The following SESN1 variants were observed in gnomAD, a reference collection of about 807,000 sequenced individuals.
SESN1 encodes sestrin 1, also known as sestrin-1.
A neutral mutation model predicts 59.3 loss-of-function variants in SESN1; 30 were observed. The ratio of observed to expected loss-of-function variants is 0.51; its 90% CI spans 0.38 to 0.69. The LOEUF is 0.69. SESN1 is among the 30% of genes least tolerant of loss of function. SESN1 has a pLI of 0.00. For synonymous variants in SESN1, 197 were observed against 219.9 expected (o/e 0.90, Z 0.92); for missense variants, 566 against 673.0 (o/e 0.84, Z 1.76).
chr6:109,016,151 C>T (rs2114359561), intron 1 of SESN1, among the ~76,000 whole-genome samples: 1 of 152,292 alleles, frequency 6.6e-6, no homozygotes, highest in Admixed American at 6.5e-5. Context: ...ATTAATGAGT[C>T]ATTAGCTTAA....
At chr6:109,061,583 T>C (rs1231595098) in intron 1 of SESN1, among the ~76,000 whole-genome samples, 3 of 152,162 alleles carry the variant, frequency 2.0e-5, no homozygotes. Flanking sequence ...GTGGGTGGAC[T>C]GCTTGAGGTC....
chr6:109,078,842 A>G (rs1475625254), intron 1 of SESN1, among the ~76,000 whole-genome samples: 2 of 152,198 alleles, frequency 1.3e-5, no homozygotes, highest in African/African-American at 4.8e-5. Context: ...TGTGGGATTC[A>G]GGAAAAAAAA....
intron 1 of SESN1, among the ~76,000 whole-genome samples, chr6:109,068,234 C>T (rs1338931600): frequency 6.6e-6 from 1 of 152,130 alleles, no homozygotes; most frequent in Non-Finnish European, 1.5e-5. Context: ...AGTGTGCCAT[C>T]CATTTTCTGC....
intron 1 of SESN1, among the ~76,000 whole-genome samples, chr6:109,011,633 T>C (rs1409445970): frequency 8.3e-6 from 1 of 120,246 alleles, no homozygotes; most frequent in African/African-American, 4.4e-5. Flanking sequence ...ATTTTTTTTC[T>C]TTTTTTTTTT....
At chr6:109,084,336 G>A (rs185926301) in intron 1 of SESN1, among the ~76,000 whole-genome samples, 5 of 152,126 alleles carry the variant, frequency 3.3e-5, no homozygotes, top group Admixed American at 2.0e-4. Context: ...CGAGGCAGGC[G>A]GTTCACTTGA....
chr6:109,005,920 A>T (rs1290052092), intron 1 of SESN1, among the ~76,000 whole-genome samples: 1 of 152,230 alleles, frequency 6.6e-6, no homozygotes, highest in South Asian at 2.1e-4. Context: ...CAGAAGTAGC[A>T]GAGGAAGAGA....
At chr6:109,064,010 T>C (rs566119923) in intron 1 of SESN1, among the ~76,000 whole-genome samples, 207 of 152,080 alleles carry the variant, frequency 1.4e-3, no homozygotes, top group African/African-American at 4.8e-3. Flanking sequence ...ATAGAAAAAA[T>C]AAAATTGAGC....
At chr6:109,093,757 A>C (rs771867104) in intron 1 of SESN1, 38 bp downstream of exon 1, 8 of 1,588,094 alleles carry the variant, frequency 5.0e-6, no homozygotes, top group Non-Finnish European at 6.9e-6. Flanking sequence ...ATTTAACTGT[A>C]GTAGAGACAT....
intron 1 of SESN1, among the ~76,000 whole-genome samples, chr6:109,041,324 T>A (rs576539549): frequency 8.4e-4 from 127 of 151,864 alleles, no homozygotes; most frequent in Admixed American, 2.3e-3. Context: ...AATAATAATT[T>A]AAAAAAATAA....
chr6:109,078,868 T>G (rs116720807), intron 1 of SESN1, among the ~76,000 whole-genome samples: 76 of 152,300 alleles, frequency 5.0e-4, no homozygotes, highest in African/African-American at 1.8e-3. Context: ...ACCCTGTAAT[T>G]CTGTATTTTA....
chr6:108,997,092 T>C (rs1194338503), intron 5 of SESN1, among the ~76,000 whole-genome samples: 1 of 152,084 alleles, frequency 6.6e-6, no homozygotes, highest in African/African-American at 2.4e-5. Flanking sequence ...AGTCAGATAC[T>C]GGATATGTAC....
intron 1 of SESN1, among the ~76,000 whole-genome samples, chr6:109,005,838 A>G (rs1779720501): frequency 6.6e-6 from 1 of 152,232 alleles, no homozygotes; most frequent in Admixed American, 6.5e-5. Context: ...TACAAATTAT[A>G]CAAACGTGAG....
At chr6:109,092,031 C>T (rs1448135682) in intron 1 of SESN1, among the ~76,000 whole-genome samples, 1 of 152,076 alleles carries the variant, frequency 6.6e-6, no homozygotes, top group Non-Finnish European at 1.5e-5. Context: ...AAGTAAATTG[C>T]CTTTTATAAT....
chr6:109,067,761 G>A lies in SESN1; in HGVS notation c.279+26034C>T, dbSNP rs770951551. Among the ~76,000 whole-genome samples the A allele has an allele frequency of 2.8e-4, 43 of 152,200 alleles. 1 individual carries two copies. Among genetic ancestry groups the A allele is most frequent in the Non-Finnish European group, 7.3e-5 (5 of 68,038 alleles). ...ACAGTCTCAATCCACTCATCAAAAT[G>A]TCTTCCTAAATAGCATGAAACAGAC... On this transcript the variant is annotated intron_variant, in intron 1 of 9. Coordinates refer to ENST00000436639, the MANE Select transcript of SESN1 (RefSeq NM_014454.3).
At chr6:109,047,294 G>C (rs1780465636) in intron 1 of SESN1, among the ~76,000 whole-genome samples, 1 of 116,988 alleles carries the variant, frequency 8.5e-6, no homozygotes, top group African/African-American at 3.2e-5. Flanking sequence ...CCCCTACTGG[G>C]AAGTGAGGAG....
chr6:109,006,399 T>G (rs894202767), intron 1 of SESN1, among the ~76,000 whole-genome samples: 3 of 151,998 alleles, frequency 2.0e-5, no homozygotes, highest in African/African-American at 7.3e-5. Context: ...GCTGCACCCA[T>G]TAACTTGTCA....
At chr6:109,009,286 T>G in intron 1 of SESN1, 4 of 1,335,582 alleles carry the variant, frequency 3.0e-6, no homozygotes, top group Non-Finnish European at 3.9e-6. Context: ...ACCTCCGTGT[T>G]GCACAGGGCA....
chr6:109,074,752 C>T (rs957205459), intron 1 of SESN1, among the ~76,000 whole-genome samples: 26 of 152,214 alleles, frequency 1.7e-4, no homozygotes, highest in African/African-American at 5.5e-4. Context: ...TTCTCTTTCC[C>T]CTCAAATCAT....
chr6:109,082,368 A>C (rs1781138039), intron 1 of SESN1, among the ~76,000 whole-genome samples: 1 of 152,212 alleles, frequency 6.6e-6, no homozygotes, highest in Non-Finnish European at 1.5e-5. Flanking sequence ...ACTGGGTTCC[A>C]GTAAGCATTG....
Sources: allele counts gnomAD v4.1 joint callset (sites outside exome capture counted in the v4.1 genomes callset), GRCh38; gene constraint gnomAD v4.1.1; transcripts MANE v1.5; gene names NCBI Gene and HGNC (gene_info 2026-07-23, HGNC 2026-07-21).